Variants in MAN2A1 observed in about 807,000 individuals in gnomAD.
The protein encoded by MAN2A1 is alpha-mannosidase 2.
In MAN2A1, 76 loss-of-function variants were observed where a neutral mutation model predicts 142.6. That is an observed-to-expected ratio of 0.53 (90% CI 0.44 to 0.65). The LOEUF is 0.65. Among genes scored for constraint, MAN2A1 ranks in the 30% least tolerant of loss-of-function variants. MAN2A1 has a pLI of 0.00. For synonymous variants in MAN2A1, 559 were observed against 473.2 expected, an observed-to-expected ratio of 1.18 and a Z score of -2.35; for missense variants, 1,311 against 1,365.1, an observed-to-expected ratio of 0.96 and a Z score of 0.62.
chr5:109,810,839 CTCT>C (rs1219565981), intron 12 of MAN2A1, among the ~76,000 whole-genome samples: 1 of 152,136 alleles, frequency 6.6e-6, no homozygotes, highest in Non-Finnish European at 1.5e-5. Context: ...GAAGTGAGAG[CTCT>C]TGTTTGTTGA....
At chr5:109,847,006 A>G (rs1561541461) in intron 18 of MAN2A1, among the ~76,000 whole-genome samples, 1 of 151,286 alleles carries the variant, frequency 6.6e-6, no homozygotes, top group Admixed American at 6.6e-5. Flanking sequence ...GCTAAATTCA[A>G]TTTTTTTTTG....
intron 5 of MAN2A1, 104 bp from the exon 6 acceptor site, chr5:109,767,431 A>C (rs895976804): frequency 4.2e-5 from 37 of 871,584 alleles, no homozygotes; most frequent in Non-Finnish European, 6.1e-5. Flanking sequence ...TTGGTCTGAT[A>C]TCTCTAGGAG....
At chr5:109,723,722 A>G (rs1037013791) in intron 3 of MAN2A1, among the ~76,000 whole-genome samples, 1 of 152,072 alleles carries the variant, frequency 6.6e-6, no homozygotes, top group African/African-American at 2.4e-5. Flanking sequence ...TTCTATTTTT[A>G]TATTTATTTC....
intron 7 of MAN2A1, 26 bp downstream of exon 7, chr5:109,770,567 C>A (rs1753118728): frequency 6.2e-7 from 1 of 1,601,448 alleles, no homozygotes; most frequent in African/African-American, 1.3e-5. Context: ...TTTCATAAGA[C>A]AACATCTTGA....
chr5:109,818,419 GA>G (rs1401987443), intron 13 of MAN2A1, among the ~76,000 whole-genome samples: 1 of 152,018 alleles, frequency 6.6e-6, no homozygotes, highest in Non-Finnish European at 1.5e-5. Context: ...CTTTTAGATA[GA>G]AAGGTAAACT....
intron 9 of MAN2A1, among the ~76,000 whole-genome samples, chr5:109,783,729 C>T (rs1469960436): frequency 7.5e-6 from 1 of 132,930 alleles, no homozygotes; most frequent in East Asian, 1.9e-4. Context: ...TTCATCAAGC[C>T]ATGTCTCCTT....
intron 12 of MAN2A1, among the ~76,000 whole-genome samples, chr5:109,795,740 A>G (rs1424574555): frequency 6.6e-6 from 1 of 152,236 alleles, no homozygotes; most frequent in Non-Finnish European, 1.5e-5. Context: ...TATATCAACT[A>G]GAAAAGTGAA....
At chr5:109,816,384 G>A (rs918709690) in intron 12 of MAN2A1, among the ~76,000 whole-genome samples, 11 of 152,066 alleles carry the variant, frequency 7.2e-5, no homozygotes, top group Admixed American at 5.9e-4. Flanking sequence ...TGCAAATATT[G>A]CCTAAACTTA....
At chr5:109,762,912 AAT>A (rs1288026624) in intron 5 of MAN2A1, among the ~76,000 whole-genome samples, 1 of 152,236 alleles carries the variant, frequency 6.6e-6, no homozygotes, top group Non-Finnish European at 1.5e-5. Context: ...TCTAAAAAAT[AAT>A]ATTCTGATGA....
At chr5:109,814,760 T>G (rs912167728) in intron 12 of MAN2A1, among the ~76,000 whole-genome samples, 10 of 152,182 alleles carry the variant, frequency 6.6e-5, no homozygotes, top group African/African-American at 2.4e-4. Context: ...ATGGTTAAAA[T>G]TATTGTTTGC....
chr5:109,774,728 A>AT (rs1370928644), intron 7 of MAN2A1, 60 bp from the exon 8 acceptor site: 1 of 1,273,844 alleles, frequency 7.9e-7, no homozygotes, highest in Non-Finnish European at 1.1e-6. Flanking sequence ...CAATTGTCAC[A>AT]TTCACTTTTT....
intron 6 of MAN2A1, among the ~76,000 whole-genome samples, chr5:109,767,946 TATAAGGAGTTAGTATTTTGCCAATA>T: frequency 6.6e-6 from 1 of 152,324 alleles, no homozygotes; most frequent in South Asian, 2.1e-4. Flanking sequence ...AGTAGATAAA[TATAAGGAGTTAGTATTTTGCCAATA>T]ATGCTTTCAC....
At chr5:109,837,368 G>A (rs1403077923) in intron 16 of MAN2A1, among the ~76,000 whole-genome samples, 6 of 151,900 alleles carry the variant, frequency 3.9e-5, no homozygotes, top group Admixed American at 2.0e-4. Context: ...TTTCAGTTCA[G>A]TGCCCTCTGC....
At chr5:109,786,593 T>C (rs1753601158) in intron 10 of MAN2A1, among the ~76,000 whole-genome samples, 2 of 152,100 alleles carry the variant, frequency 1.3e-5, no homozygotes, top group Admixed American at 1.3e-4. Context: ...TTTGTAAATT[T>C]GCTATGTTAG....
chr5:109,866,042 A>G (rs547540521), intron 21 of MAN2A1, among the ~76,000 whole-genome samples: 163 of 152,326 alleles, frequency 1.1e-3, no homozygotes, highest in African/African-American at 3.8e-3. Flanking sequence ...GTCCAAAAAG[A>G]TAAGAAAAAT....
chr5:109,847,680 C>T lies in MAN2A1; in HGVS notation c.2866C>T (p.Arg956Ter), dbSNP rs1189781562. The T allele has an allele frequency of 3.2e-6, 5 of 1,576,768 alleles. No individual in the cohort carries two copies. Among genetic ancestry groups the T allele is most frequent in the Non-Finnish European group, 4.3e-6 (5 of 1,161,656 alleles). ...AGGTCAGATTGAAGTTATCATGGAT[C>T]GAAGACTCATGCAAGATGATAATCG... ...NSGQIEVIMD[R>*]RLMQDDNRGL... The change falls in exon 19 of 22, where the codon CGA (arginine) becomes TGA (stop). Residue 956 changes from arginine (R) to a stop codon, truncating the protein, a stop_gained. Transcript: ENST00000261483. LOFTEE classifies it high-confidence loss of function.
chr5:109,729,788 T>A (rs1022493012), intron 4 of MAN2A1, among the ~76,000 whole-genome samples: 1 of 151,874 alleles, frequency 6.6e-6, no homozygotes, highest in Admixed American at 6.6e-5. Context: ...AGGGCAGGAG[T>A]TCAAGACCAC....
rs1751448513 is a variant in MAN2A1, at chr5:109,716,213, G to A, written c.484G>A (p.Asp162Asn). The change falls in exon 3 of 22, where the codon GAC becomes AAC. Residue 162 changes from aspartate (D) to asparagine (N), a missense_variant. Asp to Asn is a conservative substitution (Grantham distance 23, BLOSUM62 1). This residue lies in a region of MAN2A1 where 409 missense variants were observed against 412.7 expected (regional missense o/e 0.99). Transcript: ENST00000261483. ...FDITYESNEW[D>N]TEPLQVFVVP... is the part of the protein sequence containing the mutation. ...CATTACTTATGAATCTAATGAATGGGACACTGAACCCCTTCAAGTCTTTGT... is the reference window on the plus strand; with the variant it reads ...CATTACTTATGAATCTAATGAATGGAACACTGAACCCCTTCAAGTCTTTGT... 1 of 1,611,670 alleles carries A rather than the reference G, an allele frequency of 6.2e-7. No homozygotes were observed. The highest frequency in any genetic ancestry group is 1.1e-5 in the South Asian group (1 of 90,674).
rs762301774 is a variant in MAN2A1 at position 109,770,553 on chromosome 5, C to T, written c.1196+12C>T. On this transcript the variant is annotated intron_variant, in intron 7 of 21. Transcript: ENST00000261483. Reference sequence around the variant, plus strand: ...AATGTCCAAAGCAGGTATGAAAATGCGTATTTCATAAGACAACATCTTGAA... The same window carrying T: ...AATGTCCAAAGCAGGTATGAAAATGTGTATTTCATAAGACAACATCTTGAA... 8.1e-6 allele frequency: 13 copies of T among 1,608,986 alleles called. No homozygotes were observed. The African/African-American group carries it at 9.4e-5, about 12-fold the overall frequency.
Sources: gnomAD v4.1 joint callset for allele counts (sites outside exome capture counted in the v4.1 genomes callset) on GRCh38, gnomAD v4.1.1 for gene constraint, gnomAD v4.1.1 regional missense constraint, MANE v1.5 for transcripts, NCBI Gene and HGNC (gene_info 2026-07-23, HGNC 2026-07-21) for gene names.